ABI3BP: variants seen among roughly 807,000 people sequenced by gnomAD.
ABI3BP encodes the protein ABI family member 3 binding protein.
In ABI3BP, 216 loss-of-function variants were observed where a neutral mutation model predicts 268.6. That is an observed-to-expected ratio of 0.80 (90% CI 0.72 to 0.90). The LOEUF is 0.90. ABI3BP is among the 40% of genes least tolerant of loss of function. The pLI, the probability that ABI3BP is intolerant of heterozygous loss-of-function variation, is 0.00. For missense variants in ABI3BP, 2,090 were observed against 2,182.4 expected, an observed-to-expected ratio of 0.96 and a Z score of 0.84; for synonymous variants, 730 against 730.0, an observed-to-expected ratio of 1.00 and a Z score of 0.00.
chr3:100,847,809 G>A (rs973774567), intron 18 of ABI3BP, 136 bp from the exon 19 acceptor site: 3 of 723,960 alleles, frequency 4.1e-6, no homozygotes, highest in Non-Finnish European at 7.2e-6. Flanking sequence ...AAAGTTTTGA[G>A]GAAGAATTGT....
At chr3:100,844,652 C>G (rs761608457) in intron 20 of ABI3BP, among the ~76,000 whole-genome samples, 38 of 152,242 alleles carry the variant, frequency 2.5e-4, no homozygotes, top group Non-Finnish European at 4.7e-4. Flanking sequence ...ATTTAAGAAG[C>G]TAAAATCAAA....
chr3:100,817,824 AC>A (rs2098104302), intron 41 of ABI3BP, among the ~76,000 whole-genome samples: 1 of 152,204 alleles, frequency 6.6e-6, no homozygotes, highest in African/African-American at 2.4e-5. Flanking sequence ...TTATCAGTCT[AC>A]TTGCACTTCT....
At position 100,838,270 on chromosome 3, in the gene ABI3BP, T is replaced by C. The variant is rs1267341764; in HGVS notation, c.2023A>G (p.Lys675Glu). Residue 675 changes from lysine (K) to glutamate (E), a missense_variant, in exon 26 of 68, where the codon AAA becomes GAA. By Grantham distance (56) the Lys-to-Glu change is moderately conservative (BLOSUM62 1). Transcript: ENST00000471714. ...GTTTGGGGTTTAGGAAGTAATTGTT[T>C]TGGTGGTTTTGAACCTGAAGAAAAT... ...PQIQPGSKPP[K>E]QLLPKPQTTA... 45 of 1,536,374 alleles carry C rather than the reference T, an allele frequency of 2.9e-5. No individual in the cohort carries two copies. In the East Asian group the frequency reaches 1.1e-3, roughly 36 times the overall value.
intron 1 of ABI3BP, among the ~76,000 whole-genome samples, chr3:100,934,259 C>T (rs6799493): frequency 1 from 152,066 of 152,098 alleles, 76,017 homozygotes; most frequent in Middle Eastern, 1. Context: ...TGCATTAGTT[C>T]GTTGAGAATG....
intron 14 of ABI3BP, among the ~76,000 whole-genome samples, chr3:100,857,050 A>G (rs62277100): frequency 0.35 from 53,800 of 151,698 alleles, 10,089 homozygotes; most frequent in African/African-American, 0.48. Context: ...CCCAGGGGGC[A>G]GCACAACCTC....
intron 24 of ABI3BP, 115 bp downstream of exon 24, chr3:100,839,454 G>T: frequency 8.9e-7 from 1 of 1,117,500 alleles, no homozygotes; most frequent in Non-Finnish European, 1.3e-6. Flanking sequence ...GTGAGGAAAA[G>T]CGTGGGATGA....
At chr3:100,805,090 T>G (rs1414075570) in intron 50 of ABI3BP, among the ~76,000 whole-genome samples, 2 of 152,086 alleles carry the variant, frequency 1.3e-5, no homozygotes, top group East Asian at 3.9e-4. Context: ...ACTGCAAAAT[T>G]TCAAATTACA....
intron 6 of ABI3BP, among the ~76,000 whole-genome samples, chr3:100,879,809 C>T (rs1221990076): frequency 1.3e-5 from 2 of 152,138 alleles, no homozygotes; most frequent in Non-Finnish European, 2.9e-5. Context: ...CATAAGGACT[C>T]TACTAATGAG....
intron 2 of ABI3BP, among the ~76,000 whole-genome samples, chr3:100,925,105 T>C (rs1198405083): frequency 3.9e-5 from 6 of 152,168 alleles, no homozygotes. Context: ...TTAAAGTGTT[T>C]GTCTTATGTA....
At chr3:100,919,194 T>C (rs1378641704) in intron 2 of ABI3BP, among the ~76,000 whole-genome samples, 1 of 152,220 alleles carries the variant, frequency 6.6e-6, no homozygotes, top group Non-Finnish European at 1.5e-5. Context: ...TCATCTTCTT[T>C]ATATTCCCTA....
intron 51 of ABI3BP, among the ~76,000 whole-genome samples, chr3:100,797,562 G>GTTT (rs575648416): frequency 3.9e-5 from 5 of 129,646 alleles, no homozygotes; most frequent in Non-Finnish European, 3.4e-5. Context: ...TGAAGAAACT[G>GTTT]TTTTTTTTTT....
intron 2 of ABI3BP, among the ~76,000 whole-genome samples, chr3:100,916,791 A>G (rs149045177): frequency 1.7e-3 from 256 of 152,302 alleles, no homozygotes; most frequent in African/African-American, 5.8e-3. Context: ...CCTTTTCTTG[A>G]TGCAAAGCAT....
chr3:100,917,961 A>G (rs1162233112), intron 2 of ABI3BP, among the ~76,000 whole-genome samples: 1 of 152,214 alleles, frequency 6.6e-6, no homozygotes, highest in Non-Finnish European at 1.5e-5. Context: ...ACATTTATTA[A>G]GAAATTGATA....
chr3:100,934,046 A>G (rs34565718), intron 1 of ABI3BP, among the ~76,000 whole-genome samples: 15,699 of 152,016 alleles, frequency 0.1, 1,099 homozygotes, highest in Non-Finnish European at 0.15. Context: ...TGTTTGTTAC[A>G]TAAGTATACA....
intron 2 of ABI3BP, among the ~76,000 whole-genome samples, chr3:100,918,765 A>T (rs186138018): frequency 3.2e-4 from 48 of 152,236 alleles, no homozygotes; most frequent in African/African-American, 1.1e-3. Flanking sequence ...CTTTTTAACC[A>T]TTTTTTACAG....
intron 14 of ABI3BP, among the ~76,000 whole-genome samples, chr3:100,860,506 GA>G (rs1019083256): frequency 1.3e-5 from 2 of 151,970 alleles, no homozygotes; most frequent in African/African-American, 4.8e-5. Context: ...TTCCTTTTTT[GA>G]ATTAAAGGCA....
chr3:100,832,886 C>A (rs1006147896), intron 30 of ABI3BP, among the ~76,000 whole-genome samples: 4 of 152,126 alleles, frequency 2.6e-5, no homozygotes, highest in Admixed American at 1.3e-4. Flanking sequence ...TGGATCTTGG[C>A]TCTAAGAGTA....
intron 1 of ABI3BP, among the ~76,000 whole-genome samples, chr3:100,985,096 T>C (rs1342844258): frequency 6.6e-6 from 1 of 152,028 alleles, no homozygotes. Context: ...CTACAGTAAC[T>C]TCCATTTACT....
rs1444586471 is a variant in ABI3BP, at chr3:100,911,468, T to C, written c.260-8782A>G. 3 of 391,278 alleles carry C rather than the reference T, an allele frequency of 7.7e-6. No individual in the cohort carries two copies. In the East Asian group the frequency reaches 1.7e-4, roughly 22 times the overall value. 24.2% of individuals were successfully genotyped at this position (391,278 alleles called of 1,614,324 possible). A position where few individuals can be genotyped will look rare whatever the true frequency, so the allele number is the denominator to read the frequency against. ...TAATCTGTTTATATCCTTTACTAGT[T>C]TATTTATTGCTTGTTCATTGTTTTT... On this transcript the variant is annotated intron_variant, in intron 2 of 67. Coordinates refer to ENST00000471714, the MANE Select transcript of ABI3BP (RefSeq NM_001375547.2).
Sources: allele counts gnomAD v4.1 joint callset (sites outside exome capture counted in the v4.1 genomes callset), GRCh38; gene constraint gnomAD v4.1.1; transcripts MANE v1.5; gene names NCBI Gene and HGNC (gene_info 2026-07-23, HGNC 2026-07-21).